The following SPTSSA variants were observed in gnomAD, a reference collection of about 807,000 sequenced individuals.
The protein encoded by SPTSSA is serine palmitoyltransferase small subunit A.
A neutral mutation model predicts 9.1 loss-of-function variants in SPTSSA; 8 were observed. The ratio of observed to expected loss-of-function variants is 0.88; its 90% CI spans 0.51 to 1.58. The LOEUF is 1.58. Ranked by LOEUF, SPTSSA falls within the 40% of genes most tolerant of loss-of-function variation. SPTSSA has a pLI of 0.00. For synonymous variants in SPTSSA, 42 were observed against 37.7 expected (o/e 1.11, Z -0.41); for missense variants, 100 against 93.8 (o/e 1.07, Z -0.27).
chr14:34,461,594 G>A (rs564332076), intron 1 of SPTSSA, among the ~76,000 whole-genome samples: 3 of 152,314 alleles, frequency 2.0e-5, no homozygotes, highest in African/African-American at 7.2e-5. Flanking sequence ...CTACTGGAGT[G>A]TCATGCCTAC....
chr14:34,458,890 C>A (rs949044604), intron 1 of SPTSSA, among the ~76,000 whole-genome samples: 3 of 150,300 alleles, frequency 2.0e-5, no homozygotes, highest in African/African-American at 7.4e-5. Context: ...TATCAATTTC[C>A]CCTGAAATTA....
rs187362154 is a variant in SPTSSA, at chr14:34,451,592, G to A, written c.112+10504C>T. Among the ~76,000 whole-genome samples the A allele has an allele frequency of 5.2e-3, 796 of 151,846 alleles. 4 individuals carry two copies. The highest frequency in any genetic ancestry group is 6.4e-3 in the Non-Finnish European group (434 of 67,926). On this transcript the variant is annotated intron_variant, in intron 1 of 1. Coordinates refer to ENST00000298130, the MANE Select transcript of SPTSSA (RefSeq NM_138288.4). ...CAAAAAATTAGCCGGGCGCGGTGGC[G>A]GGCGCCTGTAGTCCCAGCTACTCCG...
chr14:34,459,160 G>A (rs529982398), intron 1 of SPTSSA, among the ~76,000 whole-genome samples: 118 of 152,116 alleles, frequency 7.8e-4, no homozygotes, highest in Admixed American at 2.4e-3. Flanking sequence ...GGCCAGGCGC[G>A]GTGGCTCACA....
intron 1 of SPTSSA, among the ~76,000 whole-genome samples, chr14:34,455,692 G>A (rs1883607514): frequency 1.3e-5 from 2 of 152,076 alleles, no homozygotes; most frequent in African/African-American, 4.8e-5. Context: ...AGCACTTTGG[G>A]AAGCTGAGGG....
At chr14:34,451,715 T>C (rs1347546421) in intron 1 of SPTSSA, among the ~76,000 whole-genome samples, 4 of 136,760 alleles carry the variant, frequency 2.9e-5, no homozygotes, top group East Asian at 2.1e-4. Context: ...GAGACTCTGT[T>C]TCAAAAAAAA....
intron 1 of SPTSSA, among the ~76,000 whole-genome samples, chr14:34,443,815 T>C (rs919528311): frequency 6.6e-6 from 1 of 152,134 alleles, no homozygotes; most frequent in African/African-American, 2.4e-5. Flanking sequence ...GGATTACAGA[T>C]ATGAGCCACT....
chr14:34,444,008 C>T (rs1255193268), intron 1 of SPTSSA, among the ~76,000 whole-genome samples: 3 of 152,214 alleles, frequency 2.0e-5, no homozygotes, highest in African/African-American at 7.2e-5. Flanking sequence ...AGCAACCTGG[C>T]ATGCCAGCAA....
chr14:34,437,709 C>G (rs1883261155), intron 1 of SPTSSA, among the ~76,000 whole-genome samples: 1 of 152,118 alleles, frequency 6.6e-6, no homozygotes, highest in African/African-American at 2.4e-5. Context: ...GGTGGCAGGA[C>G]AAAAATAATC....
chr14:34,435,369 C>T, intron 1 of SPTSSA, 65 bp from the exon 2 acceptor site: 1 of 1,169,748 alleles, frequency 8.5e-7, no homozygotes, highest in Non-Finnish European at 1.2e-6. Flanking sequence ...CACATGTCTT[C>T]AACAACTCTT....
At chr14:34,457,970 G>GAAAAAAAAAAAAAAAAAAAAAAA (rs1566427256) in intron 1 of SPTSSA, among the ~76,000 whole-genome samples, 1 of 83,358 alleles carries the variant, frequency 1.2e-5, no homozygotes, top group African/African-American at 4.8e-5. Flanking sequence ...AGACTGTCTC[G>GAAAAAAAAAAAAAAAAAAAAAAA]GAAAAAAAAA....
chr14:34,445,361 C>T (rs767033343), intron 1 of SPTSSA, among the ~76,000 whole-genome samples: 3 of 152,034 alleles, frequency 2.0e-5, no homozygotes, highest in East Asian at 3.9e-4. Flanking sequence ...ACTAGCCGAG[C>T]GTGGTGGCAT....
intron 1 of SPTSSA, among the ~76,000 whole-genome samples, chr14:34,435,783 T>G (rs1401683401): frequency 1.3e-5 from 2 of 151,774 alleles, no homozygotes; most frequent in African/African-American, 4.8e-5. Flanking sequence ...GTGCCCGCCA[T>G]GACACCCAGC....
At chr14:34,455,044 G>A (rs374923886) in intron 1 of SPTSSA, among the ~76,000 whole-genome samples, 4 of 150,048 alleles carry the variant, frequency 2.7e-5, no homozygotes, top group East Asian at 2.0e-4. Context: ...CCAAGATTGC[G>A]CCACTGCACT....
intron 1 of SPTSSA, among the ~76,000 whole-genome samples, chr14:34,450,014 G>A (rs997830717): frequency 3.3e-5 from 5 of 152,144 alleles, no homozygotes; most frequent in African/African-American, 1.2e-4. Context: ...GGAGACCCAG[G>A]TTTGAGTCAT....
intron 1 of SPTSSA, among the ~76,000 whole-genome samples, chr14:34,435,779 G>A (rs1014498290): frequency 3.3e-5 from 5 of 151,526 alleles, no homozygotes; most frequent in Admixed American, 6.6e-5. Context: ...ACAGGTGCCC[G>A]CCATGACACC....
chr14:34,438,932 GTAT>G (rs1883279768), intron 1 of SPTSSA, among the ~76,000 whole-genome samples: 1 of 152,128 alleles, frequency 6.6e-6, no homozygotes, highest in Non-Finnish European at 1.5e-5. Context: ...TCTAAGGCAA[GTAT>G]TCAAGGACTT....
intron 1 of SPTSSA, among the ~76,000 whole-genome samples, chr14:34,445,933 TAC>T (rs1234548288): frequency 1.3e-5 from 2 of 152,258 alleles, no homozygotes; most frequent in Admixed American, 6.5e-5. Flanking sequence ...GGTCCCATAT[TAC>T]TGGGAAGACA....
chr14:34,440,602 C>G (rs55661983), intron 1 of SPTSSA, among the ~76,000 whole-genome samples: 3,666 of 152,304 alleles, frequency 0.024, 52 homozygotes, highest in Middle Eastern at 0.078. Context: ...TGAAACTTGG[C>G]TGGGCGCGGT....
chr14:34,445,346 C>G (rs1255770639), intron 1 of SPTSSA, among the ~76,000 whole-genome samples: 2 of 151,692 alleles, frequency 1.3e-5, no homozygotes, highest in African/African-American at 4.8e-5. Flanking sequence ...ATGAAACATA[C>G]AAAAACTAGC....
Sources: gnomAD v4.1 joint callset for allele counts (sites outside exome capture counted in the v4.1 genomes callset) on GRCh38, gnomAD v4.1.1 for gene constraint, MANE v1.5 for transcripts, NCBI Gene and HGNC (gene_info 2026-07-23, HGNC 2026-07-21) for gene names.